The following DOCK1 variants were observed in gnomAD, a reference collection of about 807,000 sequenced individuals.
DOCK1 encodes the protein dedicator of cytokinesis protein 1.
A neutral mutation model predicts 262.7 loss-of-function variants in DOCK1; 138 were observed. That is an observed-to-expected ratio of 0.53 (90% CI 0.46 to 0.61). The LOEUF (loss-of-function observed/expected upper bound fraction) is 0.61, where lower values mean the gene tolerates loss of function less well. DOCK1 is among the 20% of genes least tolerant of loss of function. The pLI is 0.00. For synonymous variants in DOCK1, 866 were observed against 867.4 expected, an observed-to-expected ratio of 1.00 and a Z score of 0.03; for missense variants, 1,908 against 2,370.7, an observed-to-expected ratio of 0.80 and a Z score of 4.05.
intron 27 of DOCK1, among the ~76,000 whole-genome samples, chr10:127,245,888 T>G (rs961579673): frequency 3.3e-5 from 5 of 152,210 alleles, no homozygotes; most frequent in African/African-American, 1.2e-4. Flanking sequence ...TGTGTAAGTC[T>G]CCATTGTGTA....
At chr10:127,431,431 C>A (rs1251779367) in intron 47 of DOCK1, among the ~76,000 whole-genome samples, 1 of 152,234 alleles carries the variant, frequency 6.6e-6, no homozygotes, top group Non-Finnish European at 1.5e-5. Flanking sequence ...TCCATACTCA[C>A]ACATCTCAAC....
rs142949515 is a variant in DOCK1 at position 127,097,446 on chromosome 10, G to A, written c.2446-8785G>A. Among the ~76,000 whole-genome samples, 47 of 152,264 alleles carry A rather than the reference G, an allele frequency of 3.1e-4. No homozygotes were observed. In the East Asian group the frequency reaches 8.1e-3, roughly 26 times the overall value. Reference sequence around the variant, plus strand: ...TGTGTTATCTTTCTGTGGCTTGCTGGCTTTCCATCAGTGCTCAATGAATGG... The same window carrying A: ...TGTGTTATCTTTCTGTGGCTTGCTGACTTTCCATCAGTGCTCAATGAATGG... On this transcript the variant is annotated intron_variant, in intron 23 of 51. Coordinates refer to ENST00000623213, the MANE Select transcript of DOCK1 (RefSeq NM_001290223.2).
intron 32 of DOCK1, among the ~76,000 whole-genome samples, chr10:127,360,666 G>A (rs1344932037): frequency 1.3e-5 from 2 of 152,182 alleles, no homozygotes; most frequent in African/African-American, 4.8e-5. Flanking sequence ...AATTAGGGGG[G>A]ACAAATAAGG....
At chr10:127,097,285 G>A (rs568346740) in intron 23 of DOCK1, among the ~76,000 whole-genome samples, 1 of 152,236 alleles carries the variant, frequency 6.6e-6, no homozygotes, top group African/African-American at 2.4e-5. Flanking sequence ...AGTTGTGATT[G>A]CTGAATACGA....
At chr10:126,946,858 T>G (rs893010187) in intron 1 of DOCK1, among the ~76,000 whole-genome samples, 2 of 152,230 alleles carry the variant, frequency 1.3e-5, no homozygotes, top group Non-Finnish European at 2.9e-5. Context: ...TTGACTGTTG[T>G]GAACAACTTG....
rs540878363 is a variant in DOCK1 at position 127,366,442 on chromosome 10, C to T, written c.3432+4230C>T. 7.9e-5 allele frequency among the ~76,000 whole-genome samples: 12 copies of T among 152,208 alleles called. No individual in the cohort carries two copies. The East Asian group carries it at 1.9e-3, about 25-fold the overall frequency. On this transcript the variant is annotated intron_variant, in intron 33 of 51. Coordinates refer to ENST00000623213, the MANE Select transcript of DOCK1 (RefSeq NM_001290223.2). ...TGCTGGACTGGCCTTTGCTTGCTCC[C>T]CTGGCCTCCGTGGCAGTCGGTTGTG...
chr10:126,919,784 G>A (rs1017830066), intron 1 of DOCK1, among the ~76,000 whole-genome samples: 7 of 152,194 alleles, frequency 4.6e-5, no homozygotes, highest in Admixed American at 6.5e-5. Context: ...CCTGCTAGAC[G>A]GAGGGCCCTC....
At chr10:127,447,336 G>A in intron 50 of DOCK1, 58 bp from the exon 51 acceptor site, 2 of 1,572,942 alleles carry the variant, frequency 1.3e-6, no homozygotes, top group East Asian at 4.7e-5. Context: ...GCAGCTCCCT[G>A]AGCATTCAGG....
At chr10:127,097,628 C>T (rs997720417) in intron 23 of DOCK1, among the ~76,000 whole-genome samples, 2 of 152,250 alleles carry the variant, frequency 1.3e-5, no homozygotes, top group Non-Finnish European at 2.9e-5. Flanking sequence ...AGAATCAGAC[C>T]GTCCCCCCAC....
At chr10:127,197,074 G>C (rs2057226349) in intron 27 of DOCK1, among the ~76,000 whole-genome samples, 2 of 152,132 alleles carry the variant, frequency 1.3e-5, no homozygotes, top group South Asian at 4.1e-4. Context: ...GGAGTTCGGG[G>C]ATCCTTTCAG....
chr10:126,968,189 C>T (rs1276579550), intron 1 of DOCK1, among the ~76,000 whole-genome samples: 1 of 152,116 alleles, frequency 6.6e-6, no homozygotes, highest in African/African-American at 2.4e-5. Context: ...CTTTTGGAGT[C>T]GTCTTTGGAG....
intron 43 of DOCK1, among the ~76,000 whole-genome samples, chr10:127,412,787 C>T (rs531107166): frequency 1.9e-4 from 29 of 152,308 alleles, no homozygotes; most frequent in African/African-American, 6.7e-4. Flanking sequence ...TGGGGAAGTT[C>T]CTTCCAGCCC....
At chr10:127,143,025 C>T (rs181287515) in intron 27 of DOCK1, among the ~76,000 whole-genome samples, 3 of 152,308 alleles carry the variant, frequency 2.0e-5, no homozygotes, top group East Asian at 3.9e-4. Context: ...CACTTCTCCC[C>T]GCTGCCGCAT....
At chr10:127,111,147 T>A (rs957842628) in intron 25 of DOCK1, among the ~76,000 whole-genome samples, 2 of 152,342 alleles carry the variant, frequency 1.3e-5, no homozygotes, top group Middle Eastern at 6.8e-3. Context: ...ACTTGGGATG[T>A]CCCTGTTAAG....
chr10:127,021,393 G>A (rs1173562844), intron 13 of DOCK1, among the ~76,000 whole-genome samples: 2 of 152,162 alleles, frequency 1.3e-5, no homozygotes, highest in Non-Finnish European at 2.9e-5. Flanking sequence ...TCAAACTCCC[G>A]AGCTCAGGCA....
intron 27 of DOCK1, among the ~76,000 whole-genome samples, chr10:127,148,884 T>A (rs1564842157): frequency 6.6e-6 from 1 of 152,084 alleles, no homozygotes; most frequent in Non-Finnish European, 1.5e-5. Context: ...ACAGTCGGTC[T>A]GCATCACAAC....
chr10:127,106,430 A>G, intron 24 of DOCK1, 129 bp downstream of exon 24: 1 of 924,176 alleles, frequency 1.1e-6, no homozygotes, highest in South Asian at 1.8e-5. Flanking sequence ...ATCATTCTGG[A>G]ACATGTGTTG....
chr10:127,004,769 G>GCCCCCCCCCCCCC (rs1285670669), intron 10 of DOCK1, among the ~76,000 whole-genome samples: 3 of 14,276 alleles, frequency 2.1e-4, no homozygotes, highest in African/African-American at 5.0e-4. Context: ...CCCCTGCCCC[G>GCCCCCCCCCCCCC]CCACCCCCCC....
chr10:127,449,754 C>T (rs772957958), intron 51 of DOCK1, among the ~76,000 whole-genome samples: 1 of 152,142 alleles, frequency 6.6e-6, no homozygotes, highest in Non-Finnish European at 1.5e-5. Flanking sequence ...GGGGTGTGAT[C>T]AATATCCTCC....
Sources: gnomAD v4.1 joint callset for allele counts (sites outside exome capture counted in the v4.1 genomes callset) on GRCh38, gnomAD v4.1.1 for gene constraint, MANE v1.5 for transcripts, NCBI Gene and HGNC (gene_info 2026-07-23, HGNC 2026-07-21) for gene names.